Variants in ACER3 observed in about 807,000 individuals in gnomAD.
ACER3 encodes alkCDase 3.
ACER3 carries 16 observed loss-of-function variants against 48.9 expected under a neutral mutation model. The ratio of observed to expected loss-of-function variants is 0.33; its 90% CI spans 0.22 to 0.50. The LOEUF is 0.50. Among genes scored for constraint, ACER3 ranks in the 20% least tolerant of loss-of-function variants. ACER3 has a pLI of 0.98. For missense variants in ACER3, 227 were observed against 326.0 expected (o/e 0.70, Z 2.34); for synonymous variants, 109 against 107.8 (o/e 1.01, Z -0.07).
Position 76,860,929 on chromosome 11 carries a change from A to C in ACER3, c.-48A>C. The stretch of plus-strand genomic sequence containing the variant: ...CCGGAGCCGGCCTGGTCGCCAGCCT[A>C]ACCCGGCACAGTGAGCGGAGCGCCT... On this transcript the variant is annotated 5_prime_UTR_variant, in exon 1 of 11. Transcript: ENST00000532485. 1 of 1,398,296 alleles carries C rather than the reference A, an allele frequency of 7.2e-7. No homozygotes were observed. The highest frequency in any genetic ancestry group is 1.5e-5 in the African/African-American group (1 of 67,742). The allele number at this position is 1,398,296 out of a possible 1,614,324, so 86.6% of individuals were successfully genotyped here. A position where few individuals can be genotyped will look rare whatever the true frequency, so the allele number is the denominator to read the frequency against.
intron 1 of ACER3, among the ~76,000 whole-genome samples, chr11:76,884,385 C>G (rs1945620124): frequency 6.6e-6 from 1 of 152,118 alleles, no homozygotes; most frequent in Non-Finnish European, 1.5e-5. Context: ...TAGCATTTGC[C>G]CTCTTTTATG....
Position 76,913,573 on chromosome 11 carries a change from AT to A in ACER3, c.104-12982del, listed in dbSNP as rs1305808412. Among the ~76,000 whole-genome samples, 3 of 152,312 alleles carry A rather than the reference AT, an allele frequency of 2.0e-5. No individual in the cohort carries two copies. The East Asian group carries it at 5.8e-4, about 29-fold the overall frequency. On this transcript the variant is annotated intron_variant, in intron 1 of 10. Coordinates refer to ENST00000532485, the MANE Select transcript of ACER3 (RefSeq NM_018367.7). ...ATACCTAATTTACAAATGGAAGAAC[AT>A]TCCATGCTCATGGGTAGGAAGAATC...
chr11:76,921,067 ATATC>A lies in ACER3; in HGVS notation c.104-5486_104-5483del, dbSNP rs1323854704. On this transcript the variant is annotated intron_variant, in intron 1 of 10. Transcript: ENST00000532485. ...AATTGCTTATTTACAAAGCAATTAC[ATATC>A]TATTATTCTTTAAATCAGCTTTTTA... Among the ~76,000 whole-genome samples the A allele has an allele frequency of 5.9e-5, 9 of 152,216 alleles. No homozygotes were observed. The East Asian group carries it at 1.5e-3, about 26-fold the overall frequency.
At chr11:76,895,888 A>C (rs1014702603) in intron 1 of ACER3, among the ~76,000 whole-genome samples, 1 of 152,238 alleles carries the variant, frequency 6.6e-6, no homozygotes, top group Non-Finnish European at 1.5e-5. Context: ...GCCTTATAAT[A>C]GAATACTATA....
intron 1 of ACER3, among the ~76,000 whole-genome samples, chr11:76,866,494 G>A (rs1427354904): frequency 1.3e-5 from 2 of 152,186 alleles, no homozygotes; most frequent in African/African-American, 4.8e-5. Context: ...ACTGATTTGT[G>A]GACTTAAGAT....
At chr11:76,872,256 A>C (rs373704720) in intron 1 of ACER3, among the ~76,000 whole-genome samples, 3 of 151,994 alleles carry the variant, frequency 2.0e-5, no homozygotes, top group South Asian at 2.1e-4. Context: ...TTATATTTTT[A>C]GTAGAGACAG....
intron 3 of ACER3, among the ~76,000 whole-genome samples, chr11:76,964,387 G>A (rs1435751251): frequency 6.6e-6 from 1 of 151,404 alleles, no homozygotes; most frequent in Non-Finnish European, 1.5e-5. Context: ...ACCTCTGGGG[G>A]CAGGGAACAG....
At chr11:76,890,664 G>A (rs1347266064) in intron 1 of ACER3, among the ~76,000 whole-genome samples, 3 of 152,144 alleles carry the variant, frequency 2.0e-5, no homozygotes, top group African/African-American at 4.8e-5. Context: ...AAGGCATAGT[G>A]AGTATACAAA....
chr11:76,969,188 G>GA (rs1416046670), intron 3 of ACER3, among the ~76,000 whole-genome samples: 2 of 152,092 alleles, frequency 1.3e-5, no homozygotes, highest in African/African-American at 4.8e-5. Flanking sequence ...AAAAACACAT[G>GA]AAAAAATGCT....
chr11:77,001,494 G>A (rs530991481), intron 7 of ACER3, among the ~76,000 whole-genome samples: 32 of 152,168 alleles, frequency 2.1e-4, no homozygotes, highest in Non-Finnish European at 4.1e-4. Context: ...CTGACCATGT[G>A]ATCTGCCTGT....
intron 1 of ACER3, among the ~76,000 whole-genome samples, chr11:76,917,790 G>T (rs937802212): frequency 6.6e-6 from 1 of 150,682 alleles, no homozygotes; most frequent in Non-Finnish European, 1.5e-5. Flanking sequence ...GAGCCCAAAA[G>T]GTCGAGGCTG....
In ACER3 at chr11:77,020,833, T is replaced by TA. The variant is rs1555024320; in HGVS notation, c.*513dup. 2 of 153,874 alleles carry TA rather than the reference T, an allele frequency of 1.3e-5. No individual in the cohort carries two copies. Among genetic ancestry groups the TA allele is most frequent in the African/African-American group, 2.4e-5 (1 of 41,392 alleles). 9.5% of individuals were successfully genotyped at this position (153,874 alleles called of 1,614,324 possible). On this transcript the variant is annotated 3_prime_UTR_variant, in exon 11 of 11. Transcript: ENST00000532485. ...TAATCTCATGGATGGTTCTCAAAGG[T>TA]AAAAAAAGAGAGAGAAAGAGAGAGA...
intron 2 of ACER3, among the ~76,000 whole-genome samples, chr11:76,948,360 A>C (rs543646808): frequency 4.6e-5 from 7 of 151,996 alleles, no homozygotes; most frequent in Non-Finnish European, 8.8e-5. Context: ...ACAATTTAAA[A>C]CGCTCTTTTT....
At chr11:77,010,431 C>CAA (rs34446950) in intron 7 of ACER3, among the ~76,000 whole-genome samples, 2 of 98,990 alleles carry the variant, frequency 2.0e-5, no homozygotes, top group African/African-American at 3.1e-5. Flanking sequence ...GAGTATAGGA[C>CAA]AAAAAAAAAA....
intron 3 of ACER3, among the ~76,000 whole-genome samples, chr11:76,963,741 A>T (rs1244801758): frequency 6.6e-6 from 1 of 151,428 alleles, no homozygotes; most frequent in Non-Finnish European, 1.5e-5. Context: ...GAGTCTCAAG[A>T]GGTCCTTTGA....
chr11:76,873,117 G>A (rs964268000), intron 1 of ACER3, among the ~76,000 whole-genome samples: 3 of 151,274 alleles, frequency 2.0e-5, no homozygotes, highest in Admixed American at 1.3e-4. Context: ...AGGGAATCTC[G>A]CTATGTTGCC....
intron 7 of ACER3, among the ~76,000 whole-genome samples, chr11:77,012,201 C>T (rs966043823): frequency 1.3e-4 from 19 of 151,924 alleles, no homozygotes; most frequent in African/African-American, 4.1e-4. Context: ...GGGTGGATCA[C>T]GAGGTCAAGA....
rs183640104 is a variant in ACER3 at position 76,972,952 on chromosome 11, C to T, written c.268-3337C>T. Among the ~76,000 whole-genome samples the T allele has an allele frequency of 4.1e-3, 626 of 152,358 alleles. 5 individuals carry two copies. Among genetic ancestry groups the T allele is most frequent in the African/African-American group, 0.013 (532 of 41,588 alleles). On this transcript the variant is annotated intron_variant, in intron 3 of 10. Coordinates refer to ENST00000532485, the MANE Select transcript of ACER3 (RefSeq NM_018367.7). ...GTGTGTGTGGGACCCCCAAGGTGCC[C>T]GACAGTAACTGATGGTTCCTATACC...
rs1948674272 is a variant in ACER3, at chr11:76,985,725, G to A, written c.402+1G>A. Reference sequence around the variant, plus strand: ...TCTATTCAGTTTAATAGTAACCACAGTAAGTCATATTTTGTTTCTAACAGA... The same window carrying A: ...TCTATTCAGTTTAATAGTAACCACAATAAGTCATATTTTGTTTCTAACAGA... On this transcript the variant is annotated splice_donor_variant, in intron 5 of 10. Transcript: ENST00000532485. LOFTEE classifies it high-confidence loss of function. 21 of 1,495,102 alleles carry A rather than the reference G, an allele frequency of 1.4e-5. No individual in the cohort carries two copies. The highest frequency in any genetic ancestry group is 1.9e-5 in the Non-Finnish European group (21 of 1,115,422). The allele number at this position is 1,495,102 out of a possible 1,614,324, so 92.6% of individuals were successfully genotyped here. A position where few individuals can be genotyped will look rare whatever the true frequency, so the allele number is the denominator to read the frequency against.
Sources: gnomAD v4.1 joint callset for allele counts (sites outside exome capture counted in the v4.1 genomes callset) on GRCh38, gnomAD v4.1.1 for gene constraint, MANE v1.5 for transcripts, NCBI Gene and HGNC (gene_info 2026-07-23, HGNC 2026-07-21) for gene names.